DSCAML1: variants seen among roughly 807,000 people sequenced by gnomAD.
The protein encoded by DSCAML1 is DS cell adhesion molecule like 1, also known as cell adhesion molecule DSCAML1.
A neutral mutation model predicts 200.5 loss-of-function variants in DSCAML1; 38 were observed. That is an observed-to-expected ratio of 0.19 (90% CI 0.15 to 0.25). The LOEUF (loss-of-function observed/expected upper bound fraction) is 0.25. DSCAML1 is among the 10% of genes least tolerant of loss of function. DSCAML1 has a pLI of 1.00. For synonymous variants in DSCAML1, 1,215 were observed against 1,165.0 expected, an observed-to-expected ratio of 1.04 and a Z score of -0.87; for missense variants, 2,223 against 2,858.8, an observed-to-expected ratio of 0.78 and a Z score of 5.07.
intron 11 of DSCAML1, among the ~76,000 whole-genome samples, chr11:117,493,233 G>A (rs1428675459): frequency 6.6e-6 from 1 of 152,130 alleles, no homozygotes; most frequent in Admixed American, 6.5e-5. Flanking sequence ...TCTTCTCTTG[G>A]CTCCTTGCTA....
At chr11:117,549,149 G>T (rs998126845) in intron 3 of DSCAML1, among the ~76,000 whole-genome samples, 2 of 151,968 alleles carry the variant, frequency 1.3e-5, no homozygotes, top group Non-Finnish European at 2.9e-5. Flanking sequence ...CACTCCGGGG[G>T]TCTACCTGCC....
intron 3 of DSCAML1, chr11:117,668,444 G>A (rs2053025628): frequency 6.6e-6 from 1 of 152,252 alleles, no homozygotes; most frequent in Non-Finnish European, 1.5e-5. Flanking sequence ...ATGAGGATAT[G>A]TAAAGGCACC....
intron 3 of DSCAML1, among the ~76,000 whole-genome samples, chr11:117,763,224 G>T (rs1387827847): frequency 5.9e-5 from 9 of 152,112 alleles, no homozygotes; most frequent in Admixed American, 5.9e-4. Context: ...CAAATTTAGA[G>T]TCCCCTGGGG....
upstream of DSCAML1, among the ~76,000 whole-genome samples, chr11:117,800,297 C>A (rs1455622807): frequency 6.6e-6 from 1 of 152,188 alleles, no homozygotes; most frequent in Non-Finnish European, 1.5e-5. Context: ...TGTTCTACCC[C>A]ACGCCCACCT....
chr11:117,472,136 G>A (rs1246513494), intron 14 of DSCAML1, 100 bp from the exon 15 acceptor site: 22 of 1,353,794 alleles, frequency 1.6e-5, no homozygotes, highest in Non-Finnish European at 1.6e-5. Flanking sequence ...TTGGATGCCC[G>A]AGGGGTCCAG....
chr11:117,464,856 C>G lies in DSCAML1; in HGVS notation c.3265+86G>C, dbSNP rs547716289. On this transcript the variant is annotated intron_variant, in intron 17 of 32. Coordinates refer to ENST00000651296, the MANE Select transcript of DSCAML1 (RefSeq NM_020693.4). The stretch of plus-strand genomic sequence containing the variant: ...GACCAAAATGGGGCCCAGGGGCAAA[C>G]AGAGGGACCCACAAACCCTCTCTGG... 6.0e-5 allele frequency: 93 copies of G among 1,554,906 alleles called. No homozygotes were observed. The African/African-American group carries it at 1.2e-3, about 20-fold the overall frequency.
chr11:117,625,073 C>T (rs78000026), intron 3 of DSCAML1, among the ~76,000 whole-genome samples: 2 of 152,112 alleles, frequency 1.3e-5, no homozygotes, highest in South Asian at 4.2e-4. Flanking sequence ...AACGTGTGGT[C>T]AGGTCTGGGA....
At chr11:117,439,700 C>G in intron 22 of DSCAML1, 119 bp downstream of exon 22, 1 of 1,007,858 alleles carries the variant, frequency 9.9e-7, no homozygotes, top group Non-Finnish European at 1.5e-6. Flanking sequence ...TGCAGGGCCT[C>G]TGCAGGCCTG....
chr11:117,637,085 G>T (rs1203605709), intron 3 of DSCAML1, among the ~76,000 whole-genome samples: 1 of 151,978 alleles, frequency 6.6e-6, no homozygotes, highest in Non-Finnish European at 1.5e-5. Context: ...CCCCTTTCCA[G>T]CCCTACATCC....
intron 5 of DSCAML1, among the ~76,000 whole-genome samples, 177 bp downstream of exon 5, chr11:117,524,628 G>A (rs2049941481): frequency 6.6e-6 from 1 of 152,210 alleles, no homozygotes; most frequent in Non-Finnish European, 1.5e-5. Flanking sequence ...CAAAAGGCAG[G>A]CCTCCTGATT....
At chr11:117,720,586 C>G (rs972577884) in intron 3 of DSCAML1, among the ~76,000 whole-genome samples, 2 of 152,232 alleles carry the variant, frequency 1.3e-5, no homozygotes, top group Non-Finnish European at 2.9e-5. Context: ...ATGCTTCCTC[C>G]TCCTTCTCAC....
intron 3 of DSCAML1, among the ~76,000 whole-genome samples, chr11:117,648,904 A>C (rs1218604020): frequency 6.6e-6 from 1 of 152,152 alleles, no homozygotes; most frequent in African/African-American, 2.4e-5. Flanking sequence ...AAGATGAGGA[A>C]TGTGACATTC....
chr11:117,666,541 T>C (rs923390796), intron 3 of DSCAML1, among the ~76,000 whole-genome samples: 1 of 152,100 alleles, frequency 6.6e-6, no homozygotes, highest in Non-Finnish European at 1.5e-5. Flanking sequence ...CTGCCGGGCC[T>C]CTCTCTCTGG....
intron 3 of DSCAML1, among the ~76,000 whole-genome samples, chr11:117,733,390 G>T (rs1266844492): frequency 6.6e-6 from 1 of 152,174 alleles, no homozygotes; most frequent in Non-Finnish European, 1.5e-5. Flanking sequence ...TGAATGATGT[G>T]CCTCTATCTG....
intron 30 of DSCAML1, among the ~76,000 whole-genome samples, 195 bp from the exon 31 acceptor site, chr11:117,431,923 A>G (rs61905262): frequency 1.1e-4 from 14 of 123,530 alleles, no homozygotes; most frequent in African/African-American, 1.8e-4. Context: ...AAGGTTGGGG[A>G]GGGGGCAGTG....
chr11:117,742,578 G>A (rs2054442262), intron 3 of DSCAML1, among the ~76,000 whole-genome samples: 1 of 152,242 alleles, frequency 6.6e-6, no homozygotes, highest in Non-Finnish European at 1.5e-5. Flanking sequence ...GCCCAGGGCA[G>A]AGACAAAGCA....
rs1360399208 is a variant in DSCAML1, at chr11:117,489,098, C to T, written c.2360-6936G>A. On this transcript the variant is annotated intron_variant, in intron 11 of 32. Coordinates refer to ENST00000651296, the MANE Select transcript of DSCAML1 (RefSeq NM_020693.4). The surrounding 1 kb of genome is among the most constrained non-coding windows in gnomAD (Gnocchi z 4.8). ...AGGCTTCCAGAAAGTGTTTCTTCCA[C>T]CTCTAAGGGGGCTGGCCACCTCTAG... is the stretch of plus-strand genomic sequence containing the variant. Among the ~76,000 whole-genome samples, 1 of 152,198 alleles carries T rather than the reference C, an allele frequency of 6.6e-6. No homozygotes were observed. Among genetic ancestry groups the T allele is most frequent in the Non-Finnish European group, 1.5e-5 (1 of 68,042 alleles).
intron 8 of DSCAML1, among the ~76,000 whole-genome samples, chr11:117,506,202 A>C (rs1384171927): frequency 1.3e-5 from 2 of 152,108 alleles, no homozygotes; most frequent in African/African-American, 4.8e-5. Flanking sequence ...GCTCATCTGA[A>C]ACCAGAGCAC....
chr11:117,495,565 G>T (rs73008405), intron 11 of DSCAML1, among the ~76,000 whole-genome samples: 1 of 152,062 alleles, frequency 6.6e-6, no homozygotes, highest in Non-Finnish European at 1.5e-5. Context: ...TCACTTTAGC[G>T]GGGGGCAGGG....
Sources: allele counts gnomAD v4.1 joint callset (sites outside exome capture counted in the v4.1 genomes callset), GRCh38; gene constraint gnomAD v4.1.1; non-coding constraint Gnocchi (gnomAD v3.1); transcripts MANE v1.5; gene names NCBI Gene and HGNC (gene_info 2026-07-23, HGNC 2026-07-21).